Variants in LTBP1 observed in about 807,000 individuals in gnomAD.
The protein encoded by LTBP1 is latent-transforming growth factor beta-binding protein 1.
In LTBP1, 129 loss-of-function variants were observed where a neutral mutation model predicts 207.6. The observed-to-expected ratio is 0.62, with a 90% CI of 0.54 to 0.72. The LOEUF (loss-of-function observed/expected upper bound fraction) is 0.72. LTBP1 is among the 30% of genes least tolerant of loss of function. The pLI is 0.00. For synonymous variants in LTBP1, 963 were observed against 833.7 expected, an observed-to-expected ratio of 1.16 and a Z score of -2.67; for missense variants, 2,281 against 2,217.2, an observed-to-expected ratio of 1.03 and a Z score of -0.58.
chr2:33,147,585 C>T (rs1156692430), intron 5 of LTBP1, among the ~76,000 whole-genome samples: 1 of 152,186 alleles, frequency 6.6e-6, no homozygotes, highest in Non-Finnish European at 1.5e-5. Flanking sequence ...GAGACTCAAC[C>T]ATATCATCAA....
At chr2:33,042,498 G>A (rs186892155) in intron 3 of LTBP1, among the ~76,000 whole-genome samples, 4 of 152,296 alleles carry the variant, frequency 2.6e-5, no homozygotes, top group Non-Finnish European at 5.9e-5. Flanking sequence ...GTCTAAAAGG[G>A]AAAACAGGGA....
intron 5 of LTBP1, among the ~76,000 whole-genome samples, chr2:33,167,855 A>G (rs116512672): frequency 2.6e-4 from 40 of 152,354 alleles, no homozygotes; most frequent in African/African-American, 9.6e-4. Flanking sequence ...CCCTTCTGCC[A>G]TGATTAGGTT....
chr2:33,198,772 A>C, intron 7 of LTBP1, among the ~76,000 whole-genome samples: 1 of 152,088 alleles, frequency 6.6e-6, no homozygotes, highest in South Asian at 2.1e-4. Context: ...TATTGCGTCT[A>C]TTTGATTCTC....
At chr2:33,034,027 C>T (rs1573211906) in intron 3 of LTBP1, among the ~76,000 whole-genome samples, 1 of 152,104 alleles carries the variant, frequency 6.6e-6, no homozygotes, top group Non-Finnish European at 1.5e-5. Context: ...CAGATGGAGT[C>T]GTGTTTGCAT....
At chr2:33,340,662 C>G (rs76525113) in intron 24 of LTBP1, among the ~76,000 whole-genome samples, 3,542 of 151,942 alleles carry the variant, frequency 0.023, 181 homozygotes, top group East Asian at 0.21. Context: ...GATTCTAGGT[C>G]ATTGAGGAGG....
chr2:33,399,460 G>A lies in LTBP1; in HGVS notation c.*915G>A, dbSNP rs1370186808. 2 of 152,172 alleles carry A rather than the reference G, an allele frequency of 1.3e-5. No individual in the cohort carries two copies. Among genetic ancestry groups the A allele is most frequent in the African/African-American group, 4.8e-5 (2 of 41,432 alleles). 9.4% of individuals were successfully genotyped at this position (152,172 alleles called of 1,614,324 possible). On this transcript the variant is annotated 3_prime_UTR_variant, in exon 34 of 34. Coordinates refer to ENST00000404816, the MANE Select transcript of LTBP1 (RefSeq NM_206943.4). ...TCCAGTGGTCTTCTGTTAATGTAGT[G>A]TCTTTTACAAGTTAATCATTAAATT... is the stretch of plus-strand genomic sequence containing the variant.
intron 3 of LTBP1, among the ~76,000 whole-genome samples, chr2:33,076,386 G>A (rs1469878810): frequency 1.3e-5 from 2 of 152,110 alleles, no homozygotes; most frequent in African/African-American, 4.8e-5. Flanking sequence ...GAGAGGTGAA[G>A]GAAGGATTAA....
chr2:33,301,606 A>C lies in LTBP1; in HGVS notation c.3443A>C (p.Gln1148Pro). ...TEGSFQCVCD[Q>P]GYRASGLGDH... ...GGCTCTTTTCAATGTGTGTGTGACC[A>C]GGGTTACAGAGCATCTGGGCTTGGA... is the stretch of plus-strand genomic sequence containing the variant. Residue 1148 changes from glutamine to proline, a missense_variant, in exon 22 of 34, where the codon CAG (glutamine) becomes CCG (proline). Physicochemically the swap from Gln to Pro is moderately conservative, Grantham distance 76 (BLOSUM62 -1). This residue lies in a region of LTBP1 where 1,671 missense variants were observed against 1,634.8 expected (regional missense o/e 1.02). Transcript: ENST00000404816. 3.7e-6 allele frequency: 6 copies of C among 1,611,080 alleles called. No individual in the cohort carries two copies. Among genetic ancestry groups the C allele is most frequent in the Non-Finnish European group, 5.1e-6 (6 of 1,178,624 alleles).
intron 17 of LTBP1, 94 bp from the exon 18 acceptor site, chr2:33,275,707 C>T (rs1454765530): frequency 6.9e-7 from 1 of 1,455,366 alleles, no homozygotes; most frequent in African/African-American, 1.4e-5. Flanking sequence ...AAATCAGTTA[C>T]TTCGTTATTA....
At chr2:33,332,559 TTTAA>T (rs948655563) in intron 24 of LTBP1, among the ~76,000 whole-genome samples, 1 of 151,558 alleles carries the variant, frequency 6.6e-6, no homozygotes, top group Non-Finnish European at 1.5e-5. Flanking sequence ...ACTTTATTTA[TTTAA>T]TTTTTTTTTT....
At chr2:33,147,317 G>A (rs889728370) in intron 5 of LTBP1, among the ~76,000 whole-genome samples, 1 of 152,128 alleles carries the variant, frequency 6.6e-6, no homozygotes, top group African/African-American at 2.4e-5. Context: ...TTTAATGTCC[G>A]TAGGAGTCAT....
chr2:33,294,557 G>A (rs1275022927), intron 20 of LTBP1, among the ~76,000 whole-genome samples: 2 of 150,334 alleles, frequency 1.3e-5, no homozygotes. Flanking sequence ...ATTCATAAAA[G>A]TGGAATTATT....
chr2:32,997,995 T>A (rs1465606288), intron 2 of LTBP1, among the ~76,000 whole-genome samples: 24 of 152,200 alleles, frequency 1.6e-4, no homozygotes, highest in Non-Finnish European at 2.9e-5. Context: ...TCAGACTGTT[T>A]CCAGTAAAGT....
intron 5 of LTBP1, among the ~76,000 whole-genome samples, chr2:33,142,269 A>G (rs541778532): frequency 9.2e-5 from 14 of 151,732 alleles, no homozygotes; most frequent in African/African-American, 2.9e-4. Flanking sequence ...GTTAGCCAGG[A>G]TGGTCTCGAT....
At chr2:33,124,239 G>A (rs560698360) in intron 4 of LTBP1, among the ~76,000 whole-genome samples, 6 of 152,110 alleles carry the variant, frequency 3.9e-5, no homozygotes, top group African/African-American at 7.2e-5. Flanking sequence ...TGAAACCCCC[G>A]TCTCTACTAA....
chr2:33,200,030 C>A (rs1384195287), intron 7 of LTBP1, among the ~76,000 whole-genome samples: 1 of 152,020 alleles, frequency 6.6e-6, no homozygotes, highest in Admixed American at 6.6e-5. Flanking sequence ...GAATCAATAT[C>A]GTGAAAATGG....
chr2:33,088,963 C>T lies in LTBP1; in HGVS notation c.864-21619C>T, dbSNP rs576642693. Among the ~76,000 whole-genome samples, 144 of 151,930 alleles carry T rather than the reference C, an allele frequency of 9.5e-4. 1 individual carries two copies. The highest frequency in any genetic ancestry group is 1.9e-3 in the Non-Finnish European group (128 of 67,944). ...TTGAGATCAGGAGTTTGAGACCAGC[C>T]TGGCCAACATGTTGAAACCCTGTGT... is the stretch of plus-strand genomic sequence containing the variant. On this transcript the variant is annotated intron_variant, in intron 3 of 33. Transcript: ENST00000404816.
At chr2:33,001,356 A>T (rs1330562672) in intron 2 of LTBP1, among the ~76,000 whole-genome samples, 1 of 135,106 alleles carries the variant, frequency 7.4e-6, no homozygotes, top group African/African-American at 2.6e-5. Flanking sequence ...CCCCAAACCC[A>T]GAGTTTCTGA....
At chr2:33,355,670 A>T (rs1218469252) in intron 26 of LTBP1, among the ~76,000 whole-genome samples, 1 of 150,676 alleles carries the variant, frequency 6.6e-6, no homozygotes, top group African/African-American at 2.4e-5. Flanking sequence ...CTGCTTTTCC[A>T]CTCTAGAGTA....
Sources: allele counts gnomAD v4.1 joint callset (sites outside exome capture counted in the v4.1 genomes callset), GRCh38; gene constraint gnomAD v4.1.1; regional missense constraint gnomAD v4.1.1; transcripts MANE v1.5; gene names NCBI Gene and HGNC (gene_info 2026-07-23, HGNC 2026-07-21).